The following MYH4 variants were observed in gnomAD, a reference collection of about 807,000 sequenced individuals.
MYH4 encodes the protein myosin heavy chain 4.
In MYH4, 200 loss-of-function variants were observed where a neutral mutation model predicts 229.9. That is an observed-to-expected ratio of 0.87 (90% CI 0.78 to 0.98). The LOEUF (loss-of-function observed/expected upper bound fraction) is 0.98. Ranked by LOEUF, MYH4 falls within the 50% of genes least tolerant of loss-of-function variation. The pLI is 0.00. For synonymous variants in MYH4, 761 were observed against 834.6 expected (o/e 0.91, Z 1.52); for missense variants, 2,148 against 2,332.6 (o/e 0.92, Z 1.63).
chr17:10,454,182 G>T (rs1250924276), intron 22 of MYH4, among the ~76,000 whole-genome samples: 1 of 152,168 alleles, frequency 6.6e-6, no homozygotes, highest in Non-Finnish European at 1.5e-5. Flanking sequence ...TTCATTGTAG[G>T]ACTCAGTTTT....
In MYH4 at chr17:10,445,355, C is replaced by T. The variant is rs1258845149; in HGVS notation, c.5177G>A (p.Ser1726Asn). The T allele has an allele frequency of 3.7e-6, 6 of 1,611,680 alleles. No homozygotes were observed. In the East Asian group the frequency reaches 1.1e-4, roughly 30 times the overall value. Reference sequence around the variant, plus strand: ...CAGCTTCTTCTTGGTGTTGATCAGGCTGGTGTTCTGTTTCAAATTAATGAA... The same window carrying T: ...CAGCTTCTTCTTGGTGTTGATCAGGTTGGTGTTCTGTTTCAAATTAATGAA... Reference protein sequence around the residue: ...RVQLLHTQNTSLINTKKKLET... With the variant: ...RVQLLHTQNTNLINTKKKLET... Residue 1726 changes from serine to asparagine, a missense_variant, in exon 36 of 40, where the codon AGC (serine) becomes AAC (asparagine). Coordinates refer to ENST00000255381, the MANE Select transcript of MYH4 (RefSeq NM_017533.2).
At chr17:10,457,755 A>ATC in intron 15 of MYH4, 26 bp from the exon 16 acceptor site, 1 of 1,598,730 alleles carries the variant, frequency 6.3e-7, no homozygotes, top group Non-Finnish European at 8.5e-7. Context: ...AAGGGATGAT[A>ATC]ATGATGAGTC....
chr17:10,449,634 G>A (rs950934530), intron 30 of MYH4, among the ~76,000 whole-genome samples: 4 of 152,114 alleles, frequency 2.6e-5, no homozygotes, highest in African/African-American at 7.2e-5. Flanking sequence ...AGGAAACTGC[G>A]GCCCAGAGTG....
At chr17:10,450,730 T>A in intron 29 of MYH4, 47 bp downstream of exon 29, 1 of 1,609,998 alleles carries the variant, frequency 6.2e-7, no homozygotes, top group Non-Finnish European at 8.5e-7. Flanking sequence ...TAGTGTGTTA[T>A]GTTGCACGGT....
chr17:10,460,464 C>T (rs1457859181), intron 12 of MYH4, 143 bp from the exon 13 acceptor site: 2 of 689,736 alleles, frequency 2.9e-6, no homozygotes, highest in Non-Finnish European at 4.8e-6. Context: ...TTCATATTGC[C>T]TCAAAAGCAT....
At position 10,464,665 on chromosome 17, in the gene MYH4, A is replaced by G. The variant is rs1207691595; in HGVS notation, c.533+16T>C. On this transcript the variant is annotated intron_variant, in intron 6 of 39. Transcript: ENST00000255381. ...ACAATGATCAAAACAGAAAGAAAGTAACGAAATCTACATACGTAATCAAGA... is the reference window on the plus strand; with the variant it reads ...ACAATGATCAAAACAGAAAGAAAGTGACGAAATCTACATACGTAATCAAGA... 6 of 1,613,782 alleles carry G rather than the reference A, an allele frequency of 3.7e-6. 1 individual carries two copies. In the South Asian group the frequency reaches 6.6e-5, roughly 18 times the overall value.
chr17:10,445,128 C>T lies in MYH4; in HGVS notation c.5314G>A (p.Glu1772Lys), dbSNP rs1278247190. The T allele has an allele frequency of 2.5e-6, 4 of 1,614,068 alleles. No individual in the cohort carries two copies. The highest frequency in any genetic ancestry group is 2.5e-6 in the Non-Finnish European group (3 of 1,180,030). Residue 1772 changes from glutamate to lysine, a missense_variant, in exon 37 of 40, where the codon GAG (glutamate) becomes AAG (lysine). Coordinates refer to ENST00000255381, the MANE Select transcript of MYH4 (RefSeq NM_017533.2). ...CTGGTGTCCTGTTCCTTCTTCAGCT[C>T]CTCAGCCATCATGGCAGCCTAGTTA... is the stretch of plus-strand genomic sequence containing the variant. ...AITDAAMMAEELKKEQDTSAH... is the reference protein window; with the variant it reads ...AITDAAMMAEKLKKEQDTSAH...
At chr17:10,451,815 A>T in intron 27 of MYH4, 126 bp downstream of exon 27, 1 of 1,187,446 alleles carries the variant, frequency 8.4e-7, no homozygotes, top group South Asian at 1.5e-5. Flanking sequence ...AATGTGTACT[A>T]GGAGTAAGTT....
At chr17:10,459,198 G>T in intron 15 of MYH4, 53 bp downstream of exon 15, 4 of 1,613,710 alleles carry the variant, frequency 2.5e-6, no homozygotes, top group Non-Finnish European at 3.4e-6. Context: ...TTAAGCACAG[G>T]GAGGCAAGCA....
chr17:10,468,718 A>G (rs753079616), intron 2 of MYH4, among the ~76,000 whole-genome samples: 1 of 152,224 alleles, frequency 6.6e-6, no homozygotes, highest in Non-Finnish European at 1.5e-5. Context: ...TTAGCAGTCA[A>G]TAGAATCCAG....
chr17:10,456,891 T>C (rs2072645932), intron 16 of MYH4, among the ~76,000 whole-genome samples: 1 of 152,240 alleles, frequency 6.6e-6, no homozygotes, highest in African/African-American at 2.4e-5. Context: ...GCCTTGTTAG[T>C]GCAGGCCTCA....
At chr17:10,448,806 C>G (rs372081793) in intron 31 of MYH4, 23 bp from the exon 32 acceptor site, 11 of 1,612,704 alleles carry the variant, frequency 6.8e-6, no homozygotes, top group African/African-American at 2.7e-5. Flanking sequence ...AGAAAATAAG[C>G]CTTTGAAACC....
At position 10,444,900 on chromosome 17, in the gene MYH4, C is replaced by T; in HGVS notation, c.5467-1G>A. Reference sequence around the variant, plus strand: ...CCACCTCACTTTCAAGCTCTCTCACCTGGAAGGGAACAAAGACGTTTACCA... The same window carrying T: ...CCACCTCACTTTCAAGCTCTCTCACTTGGAAGGGAACAAAGACGTTTACCA... On this transcript the variant is annotated splice_acceptor_variant, in intron 37 of 39. Transcript: ENST00000255381. LOFTEE classifies it high-confidence loss of function. The T allele has an allele frequency of 6.2e-7, 1 of 1,614,120 alleles. No homozygotes were observed. The highest frequency in any genetic ancestry group is 8.5e-7 in the Non-Finnish European group (1 of 1,180,026).
chr17:10,463,548 T>TA lies in MYH4; in HGVS notation c.741+2dup. ...TCAAGAAAATGAAGATCAAGAGACT[T>TA]ACAAAGCGAGAGGAGTTGTCATTCC... On this transcript the variant is annotated splice_region_variant and intron_variant, in intron 8 of 39. Coordinates refer to ENST00000255381, the MANE Select transcript of MYH4 (RefSeq NM_017533.2). 1 of 1,610,730 alleles carries TA rather than the reference T, an allele frequency of 6.2e-7. No homozygotes were observed. The highest frequency in any genetic ancestry group is 8.5e-7 in the Non-Finnish European group (1 of 1,176,930).
chr17:10,454,499 A>T, intron 22 of MYH4, 56 bp downstream of exon 22: 2 of 1,570,786 alleles, frequency 1.3e-6, no homozygotes, highest in East Asian at 4.5e-5. Flanking sequence ...GAAACCATTC[A>T]TTTTAAAACG....
rs560869485 is a variant in MYH4 at position 10,443,636 on chromosome 17, G to A, written c.5668-109C>T. On this transcript the variant is annotated intron_variant, in intron 39 of 39. Transcript: ENST00000255381. The surrounding 1 kb of genome is among the most constrained non-coding windows in gnomAD (Gnocchi z 4.6). Reference sequence around the variant, plus strand: ...CATGAATGAGAAAGAAAAAGGCTCCGTTGTCCAGGCATGGTGGCTCACACC... The same window carrying A: ...CATGAATGAGAAAGAAAAAGGCTCCATTGTCCAGGCATGGTGGCTCACACC... 16 of 1,216,452 alleles carry A rather than the reference G, an allele frequency of 1.3e-5. No individual in the cohort carries two copies. Among genetic ancestry groups the A allele is most frequent in the African/African-American group, 7.6e-5 (5 of 66,074 alleles). The allele number at this position is 1,216,452 out of a possible 1,614,324, so 75.4% of individuals were successfully genotyped here.
At chr17:10,455,367 A>G in intron 19 of MYH4, 72 bp from the exon 20 acceptor site, 2 of 1,495,354 alleles carry the variant, frequency 1.3e-6, no homozygotes, top group Non-Finnish European at 1.8e-6. Context: ...TTTGGTAGCT[A>G]TCATTGAAAA....
rs2072721126 is a variant in MYH4 at position 10,463,189 on chromosome 17, CT to C, written c.806-2del. 13 of 1,609,704 alleles carry C rather than the reference CT, an allele frequency of 8.1e-6. No individual in the cohort carries two copies. Among genetic ancestry groups the C allele is most frequent in the Non-Finnish European group, 1.0e-5 (12 of 1,177,032 alleles). The stretch of plus-strand genomic sequence containing the variant: ...GTAACTCGGGACTTCTCTAGCAGAT[CT>C]GGAAGTCAGATTAAGCTCATTTAAA... On this transcript the variant is annotated splice_acceptor_variant, in intron 9 of 39. Transcript: ENST00000255381. LOFTEE classifies it high-confidence loss of function.
At position 10,447,744 on chromosome 17, in the gene MYH4, C is replaced by T. The variant is rs147775926; in HGVS notation, c.4965+74G>A. 993 of 1,398,770 alleles carry T rather than the reference C, an allele frequency of 7.1e-4. 9 individuals carry two copies. The East Asian group carries it at 7.5e-3, about 11-fold the overall frequency. 86.6% of individuals were successfully genotyped at this position (1,398,770 alleles called of 1,614,324 possible). ...TAGGTGATTTATGACACATAGTCCTCGTAAAACATTAAAATTTGAGTTACA... is the reference window on the plus strand; with the variant it reads ...TAGGTGATTTATGACACATAGTCCTTGTAAAACATTAAAATTTGAGTTACA... On this transcript the variant is annotated intron_variant, in intron 34 of 39. Coordinates refer to ENST00000255381, the MANE Select transcript of MYH4 (RefSeq NM_017533.2).
Sources: gnomAD v4.1 joint callset for allele counts (sites outside exome capture counted in the v4.1 genomes callset) on GRCh38, gnomAD v4.1.1 for gene constraint, Gnocchi (gnomAD v3.1) non-coding constraint, MANE v1.5 for transcripts, NCBI Gene and HGNC (gene_info 2026-07-23, HGNC 2026-07-21) for gene names.